Variants in GLYATL2 observed in about 807,000 individuals in gnomAD.
The protein encoded by GLYATL2 is glycine N-acyltransferase-like protein 2.
A neutral mutation model predicts 21.4 loss-of-function variants in GLYATL2; 25 were observed. That is an observed-to-expected ratio of 1.17 (90% CI 0.85 to 1.63). The LOEUF is 1.63. Among genes scored for constraint, GLYATL2 ranks in the 40% most tolerant of loss-of-function variants. The probability of loss-of-function intolerance (pLI) is 0.00; values close to 1 mark genes in which losing one functional copy is unlikely to be tolerated. For synonymous variants in GLYATL2, 114 were observed against 118.2 expected (o/e 0.96, Z 0.23); for missense variants, 361 against 343.3 (o/e 1.05, Z -0.41).
chr11:58,888,404 A>G (rs139409238), intron 1 of GLYATL2, among the ~76,000 whole-genome samples: 1,853 of 152,114 alleles, frequency 0.012, 39 homozygotes, highest in African/African-American at 0.043. Flanking sequence ...CCAAGATCAT[A>G]CAAGTGTTTT....
chr11:58,875,164 A>G (rs2134606610), intron 1 of GLYATL2, among the ~76,000 whole-genome samples: 1 of 151,778 alleles, frequency 6.6e-6, no homozygotes, highest in African/African-American at 2.4e-5. Flanking sequence ...CCATCCCTTT[A>G]TTTTGGGCCT....
At chr11:58,881,759 C>G (rs1854339824) in intron 1 of GLYATL2, among the ~76,000 whole-genome samples, 1 of 152,120 alleles carries the variant, frequency 6.6e-6, no homozygotes, top group African/African-American at 2.4e-5. Context: ...CACGACAGGC[C>G]CCAGTGTGTG....
chr11:58,900,796 T>A (rs1304113612), intron 1 of GLYATL2, among the ~76,000 whole-genome samples: 1 of 151,880 alleles, frequency 6.6e-6, no homozygotes, highest in Non-Finnish European at 1.5e-5. Context: ...ATGGGAAGCT[T>A]GGGGGGGTGG....
At chr11:58,860,885 T>C (rs1853919035) in intron 1 of GLYATL2, among the ~76,000 whole-genome samples, 1 of 152,084 alleles carries the variant, frequency 6.6e-6, no homozygotes, top group African/African-American at 2.4e-5. Context: ...ATTCTGTTAA[T>C]GTGGGATTTC....
At chr11:58,897,012 C>CT (rs1277409086) in intron 1 of GLYATL2, among the ~76,000 whole-genome samples, 6 of 152,164 alleles carry the variant, frequency 3.9e-5, no homozygotes, top group Admixed American at 6.5e-5. Flanking sequence ...GCCAGTTTTA[C>CT]TTTACTATGG....
intron 1 of GLYATL2, among the ~76,000 whole-genome samples, chr11:58,886,695 G>A (rs1854447139): frequency 6.6e-6 from 1 of 152,170 alleles, no homozygotes; most frequent in Non-Finnish European, 1.5e-5. Flanking sequence ...TACAAACCTA[G>A]GTCTATTTTT....
chr11:58,847,569 G>T (rs1853665282), upstream of GLYATL2, among the ~76,000 whole-genome samples: 1 of 152,150 alleles, frequency 6.6e-6, no homozygotes. Context: ...GCAACCAGTG[G>T]GTAGGGGTGA....
chr11:58,850,253 T>G (rs1853715903), intron 1 of GLYATL2, among the ~76,000 whole-genome samples: 1 of 152,210 alleles, frequency 6.6e-6, no homozygotes, highest in East Asian at 1.9e-4. Context: ...TGTTGAGGCA[T>G]GTTTCTTCTA....
At chr11:58,891,406 C>A (rs1487717621) in intron 1 of GLYATL2, among the ~76,000 whole-genome samples, 1 of 152,138 alleles carries the variant, frequency 6.6e-6, no homozygotes, top group East Asian at 1.9e-4. Context: ...TTACTTCGTT[C>A]TATTTTGTGG....
intron 1 of GLYATL2, among the ~76,000 whole-genome samples, chr11:58,851,730 T>G (rs1437379590): frequency 1.3e-5 from 2 of 152,110 alleles, no homozygotes; most frequent in East Asian, 1.9e-4. Flanking sequence ...CAGAAATAGG[T>G]GGGTGACATG....
At chr11:58,879,398 C>CTAT (rs1322514188) in intron 1 of GLYATL2, among the ~76,000 whole-genome samples, 1 of 152,118 alleles carries the variant, frequency 6.6e-6, no homozygotes, top group Non-Finnish European at 1.5e-5. Context: ...AATTGCTTTT[C>CTAT]TATAGTCTTC....
intron 1 of GLYATL2, among the ~76,000 whole-genome samples, chr11:58,855,298 C>T (rs615781): frequency 0.86 from 131,674 of 152,242 alleles, 58,292 homozygotes; most frequent in Non-Finnish European, 0.96. Flanking sequence ...TGTATGTTAG[C>T]AAGCATGAAA....
intron 1 of GLYATL2, among the ~76,000 whole-genome samples, chr11:58,872,962 G>C (rs993507460): frequency 2.0e-5 from 3 of 152,060 alleles, no homozygotes; most frequent in African/African-American, 7.2e-5. Flanking sequence ...TTATTTCCTT[G>C]AGCAGTGGTT....
At chr11:58,908,779 A>T (rs1438864337), upstream of GLYATL2, among the ~76,000 whole-genome samples, 2 of 152,228 alleles carry the variant, frequency 1.3e-5, no homozygotes, top group East Asian at 3.8e-4. Flanking sequence ...AACAAACAAT[A>T]TGGACACTTA....
chr11:58,843,396 G>A (rs143604782), intron 1 of GLYATL2, among the ~76,000 whole-genome samples: 42 of 152,226 alleles, frequency 2.8e-4, no homozygotes, highest in African/African-American at 9.9e-4. Context: ...GGACTAGCAA[G>A]CATGCTTAGG....
chr11:58,867,330 C>G lies in GLYATL2; in HGVS notation n.61-28962G>C, dbSNP rs1323142568. Among the ~76,000 whole-genome samples, 61 of 149,204 alleles carry G rather than the reference C, an allele frequency of 4.1e-4. 6 individuals are homozygous for G. The highest frequency in any genetic ancestry group is 1.2e-4 in the Non-Finnish European group (8 of 67,154). On this transcript the variant is annotated intron_variant and non_coding_transcript_variant, in intron 1 of 4. Transcript: ENST00000533636. The stretch of plus-strand genomic sequence containing the variant: ...GTACAGGAATTATAAAGCATTAATT[C>G]AGGGTGGACTCTTGGCAGCGTGTAA...
chr11:58,860,348 C>G (rs1180383200), intron 1 of GLYATL2, among the ~76,000 whole-genome samples: 1 of 151,840 alleles, frequency 6.6e-6, no homozygotes, highest in Non-Finnish European at 1.5e-5. Context: ...TAAGTTTACT[C>G]CTAAGTATTT....
At chr11:58,881,890 A>G (rs931469908) in intron 1 of GLYATL2, among the ~76,000 whole-genome samples, 1 of 152,170 alleles carries the variant, frequency 6.6e-6, no homozygotes, top group Non-Finnish European at 1.5e-5. Flanking sequence ...TTCCAGCTTC[A>G]TCAATGTCCC....
upstream of GLYATL2, chr11:58,905,719 GATGGGTCATCTGGACAAATAGGGAGGGT>G: frequency 1.3e-5 from 5 of 395,518 alleles, no homozygotes; most frequent in Non-Finnish European, 1.5e-5. Context: ...CTGGGACCGG[GATGGGTCATCTGGACAAATAGGGAGGGT>G]GGGCGGGTGG....
Sources: gnomAD v4.1 joint callset for allele counts (sites outside exome capture counted in the v4.1 genomes callset) on GRCh38, gnomAD v4.1.1 for gene constraint, MANE v1.5 for transcripts, NCBI Gene and HGNC (gene_info 2026-07-23, HGNC 2026-07-21) for gene names.